DOT1L: variants seen among roughly 807,000 people sequenced by gnomAD.
DOT1L encodes the protein DOT1 like histone lysine methyltransferase, also known as histone-lysine N-methyltransferase, H3 lysine-79 specific.
A neutral mutation model predicts 153.3 loss-of-function variants in DOT1L; 33 were observed. The observed-to-expected ratio is 0.22, with a 90% CI of 0.16 to 0.29. The LOEUF is 0.29. Among genes scored for constraint, DOT1L ranks in the 10% least tolerant of loss-of-function variants. DOT1L has a pLI of 1.00. For synonymous variants in DOT1L, 1,135 were observed against 965.1 expected, an observed-to-expected ratio of 1.18 and a Z score of -3.26; for missense variants, 1,847 against 2,119.9, an observed-to-expected ratio of 0.87 and a Z score of 2.53.
rs375677700 is a variant in DOT1L at position 2,231,811 on chromosome 19, C to T, written c.*2019C>T. ...CTCCCTCTAGGTGACAGTGGCAGTC[C>T]GGGTGCCATCACGGGTCCTGCAGAT... is the stretch of plus-strand genomic sequence containing the variant. On this transcript the variant is annotated 3_prime_UTR_variant, in exon 28 of 28. Transcript: ENST00000398665. 6.9e-5 allele frequency: 15 copies of T among 217,888 alleles called. No individual in the cohort carries two copies. The highest frequency in any genetic ancestry group is 1.3e-4 in the Non-Finnish European group (14 of 108,458). The allele number at this position is 217,888 out of a possible 1,614,324, so 13.5% of individuals were successfully genotyped here.
At chr19:2,202,482 G>T (rs1387044319) in intron 8 of DOT1L, among the ~76,000 whole-genome samples, 2 of 152,176 alleles carry the variant, frequency 1.3e-5, no homozygotes, top group Non-Finnish European at 2.9e-5. Context: ...CACGAATCCT[G>T]CCCCCTCTGT....
Position 2,226,288 on chromosome 19 carries a change from C to T in DOT1L, c.3767C>T (p.Ser1256Leu), listed in dbSNP as rs949080855. ...SPISDIGLAK[S>L]ADSPLQASSA... ...ATCTCCGACATCGGCCTGGCCAAGT[C>T]GGCGGACAGCCCGCTGCAGGCCAGC... Residue 1256 changes from serine (S) to leucine (L), a missense_variant, in exon 27 of 28, where the codon TCG becomes TTG. Around this residue, in one of 8 missense-constraint regions of DOT1L, gnomAD observed 934 missense variants for 825.3 expected, o/e 1.13. Coordinates refer to ENST00000398665, the MANE Select transcript of DOT1L (RefSeq NM_032482.3). The T allele has an allele frequency of 1.3e-5, 20 of 1,598,080 alleles. No homozygotes were observed. Among genetic ancestry groups the T allele is most frequent in the Middle Eastern group, 1.7e-4 (1 of 6,022 alleles).
Position 2,211,088 on chromosome 19 carries a change from C to T in DOT1L, c.1352-11C>T, listed in dbSNP as rs368792589. ...CCGCCCTGTGCTGACGCCTGCCCTC[C>T]GCTCTCCCAGATGCCTACAGATCCC... On this transcript the variant is annotated splice_polypyrimidine_tract_variant and intron_variant, in intron 14 of 27. Transcript: ENST00000398665. 198 of 1,610,044 alleles carry T rather than the reference C, an allele frequency of 1.2e-4. No individual in the cohort carries two copies. The highest frequency in any genetic ancestry group is 3.2e-4 in the South Asian group (29 of 90,868).
At chr19:2,189,949 G>A (rs1183159933) in intron 4 of DOT1L, among the ~76,000 whole-genome samples, 154 bp downstream of exon 4, 2 of 152,188 alleles carry the variant, frequency 1.3e-5, no homozygotes, top group African/African-American at 2.4e-5. Context: ...CTGTGGGTGA[G>A]TGGTGTGGGG....
rs1599561379 is a variant in DOT1L at position 2,191,376 on chromosome 19, C to T, written c.493+136C>T. 5.6e-6 allele frequency: 5 copies of T among 887,218 alleles called. No individual in the cohort carries two copies. In the East Asian group the frequency reaches 7.7e-5, roughly 14 times the overall value. The allele number at this position is 887,218 out of a possible 1,614,324, so 55.0% of individuals were successfully genotyped here. Reference sequence around the variant, plus strand: ...GGACAGTGCTTCCTTCTCCCAGCGCCTCTGTCCCGCTGTGGGGCCGTTCCT... The same window carrying T: ...GGACAGTGCTTCCTTCTCCCAGCGCTTCTGTCCCGCTGTGGGGCCGTTCCT... On this transcript the variant is annotated intron_variant, in intron 5 of 27. Transcript: ENST00000398665. This position sits in a 1 kb window ranked among gnomAD's most constrained non-coding sequence, Gnocchi z 6.8.
intron 16 of DOT1L, chr19:2,213,323 C>A (rs2023779019): frequency 4.0e-6 from 2 of 505,858 alleles, no homozygotes; most frequent in Non-Finnish European, 7.1e-6. Flanking sequence ...GTCCCTCCAG[C>A]TGGCGAGAGT....
chr19:2,207,989 G>T lies in DOT1L; in HGVS notation c.963+309G>T, dbSNP rs1180563479. On this transcript the variant is annotated intron_variant, in intron 11 of 27. Coordinates refer to ENST00000398665, the MANE Select transcript of DOT1L (RefSeq NM_032482.3). This position sits in a 1 kb window ranked among gnomAD's most constrained non-coding sequence, Gnocchi z 4.5. ...AGTGATGTGTGACCATAAGGGTCCC[G>T]GCCGCCATATCCAGAGGCCCCTGTG... Among the ~76,000 whole-genome samples the T allele has an allele frequency of 6.6e-6, 1 of 152,072 alleles. No homozygotes were observed. Among genetic ancestry groups the T allele is most frequent in the Non-Finnish European group, 1.5e-5 (1 of 67,988 alleles).
chr19:2,174,958 A>ATGTGTGTGTGTGTG lies in DOT1L; in HGVS notation c.82-5731_82-5718dup, dbSNP rs71337121. On this transcript the variant is annotated intron_variant, in intron 1 of 27. Transcript: ENST00000398665. ...GATCTCTTTTTAAGTTTTTAAATATATGTGTGTGTGTGTGTGTGTGTGTGT... is the reference window on the plus strand; with the variant it reads ...GATCTCTTTTTAAGTTTTTAAATATATGTGTGTGTGTGTGTGTGTGTGTGTGTGTGTGTGTGTGT... Among the ~76,000 whole-genome samples the ATGTGTGTGTGTGTG allele has an allele frequency of 2.1e-3, 272 of 130,020 alleles. 1 individual carries two copies. The highest frequency in any genetic ancestry group is 2.7e-3 in the Non-Finnish European group (169 of 62,744). 85.3% of individuals were successfully genotyped at this position (130,020 alleles called of 152,430 possible).
chr19:2,202,176 C>G (rs1214967865), intron 8 of DOT1L, among the ~76,000 whole-genome samples: 1 of 152,256 alleles, frequency 6.6e-6, no homozygotes, highest in Non-Finnish European at 1.5e-5. Context: ...CCTGGGAAAG[C>G]AGTGCTGGGC....
At chr19:2,198,402 G>A (rs931823428) in intron 7 of DOT1L, among the ~76,000 whole-genome samples, 2 of 152,178 alleles carry the variant, frequency 1.3e-5, no homozygotes, top group Non-Finnish European at 2.9e-5. Flanking sequence ...CTTGGAGAGC[G>A]GAGGATGTGC....
In DOT1L at chr19:2,226,180, C is replaced by A; in HGVS notation, c.3662-3C>A. On this transcript the variant is annotated splice_region_variant and splice_polypyrimidine_tract_variant and intron_variant, in intron 26 of 27. Transcript: ENST00000398665. ...CACGGCTTCTGCCTTTCCTCTTTGC[C>A]AGGTGGTGGCTTGGCGGGAAGGAAG... 1 of 1,514,216 alleles carries A rather than the reference C, an allele frequency of 6.6e-7. No individual in the cohort carries two copies. The allele number at this position is 1,514,216 out of a possible 1,614,324, so 93.8% of individuals were successfully genotyped here.
intron 27 of DOT1L, chr19:2,228,682 G>GGTGCC: frequency 1.0e-6 from 1 of 985,406 alleles, no homozygotes; most frequent in Middle Eastern, 5.2e-4. Flanking sequence ...AGGCTCACGG[G>GGTGCC]GTGCCAGGCC....
At chr19:2,172,393 G>A (rs1001281749) in intron 1 of DOT1L, among the ~76,000 whole-genome samples, 1 of 151,582 alleles carries the variant, frequency 6.6e-6, no homozygotes, top group African/African-American at 2.4e-5. Context: ...GTTTCACCAT[G>A]TTAGCCAGGA....
Position 2,217,160 on chromosome 19 carries a change from C to A in DOT1L, c.2544+70C>A. On this transcript the variant is annotated intron_variant, in intron 21 of 27. Transcript: ENST00000398665. The surrounding 1 kb of genome is among the most constrained non-coding windows in gnomAD (Gnocchi z 7.3). Reference sequence around the variant, plus strand: ...AGAGGCGGCCTGAGCGAGTTGCTAGCAGGAGGGCTTGTCCTAGTTGACCTT... The same window carrying A: ...AGAGGCGGCCTGAGCGAGTTGCTAGAAGGAGGGCTTGTCCTAGTTGACCTT... The A allele has an allele frequency of 1.3e-6, 2 of 1,486,846 alleles. No homozygotes were observed. The highest frequency in any genetic ancestry group is 8.9e-7 in the Non-Finnish European group (1 of 1,121,196). 92.1% of individuals were successfully genotyped at this position (1,486,846 alleles called of 1,614,324 possible).
At chr19:2,198,109 C>T (rs1370426854) in intron 7 of DOT1L, among the ~76,000 whole-genome samples, 2 of 152,208 alleles carry the variant, frequency 1.3e-5, no homozygotes, top group East Asian at 3.8e-4. Context: ...CAGCTTCGGC[C>T]CCAGAGCCCA....
rs967518754 is a variant in DOT1L at position 2,227,348 on chromosome 19, C to T, written c.4606+221C>T. On this transcript the variant is annotated intron_variant, in intron 27 of 27. Transcript: ENST00000398665. ...TTGGGTTCTCTGGTTGTAACCGCGT[C>T]CCTCTTGTTTTCAGAAGGCCACCGT... The T allele has an allele frequency of 1.1e-5, 8 of 739,352 alleles. No individual in the cohort carries two copies. The African/African-American group carries it at 1.2e-4, about 11-fold the overall frequency. 45.8% of individuals were successfully genotyped at this position (739,352 alleles called of 1,614,324 possible). A position where few individuals can be genotyped will look rare whatever the true frequency, so the allele number is the denominator to read the frequency against.
At chr19:2,206,626 G>A (rs996448837) in intron 9 of DOT1L, 103 bp from the exon 10 acceptor site, 18 of 1,121,206 alleles carry the variant, frequency 1.6e-5, no homozygotes, top group Admixed American at 1.5e-4. Flanking sequence ...GGAGCCCAGT[G>A]TGTGTGTGTT....
At position 2,226,953 on chromosome 19, in the gene DOT1L, C is replaced by A. The variant is rs200107890; in HGVS notation, c.4432C>A (p.Pro1478Thr). The A allele has an allele frequency of 1.1e-5, 17 of 1,589,736 alleles. No individual in the cohort carries two copies. Among genetic ancestry groups the A allele is most frequent in the Non-Finnish European group, 1.4e-5 (16 of 1,175,940 alleles). Residue 1478 changes from proline to threonine, a missense_variant, in exon 27 of 28, where the codon CCC (proline) becomes ACC (threonine). Around this residue, in one of 8 missense-constraint regions of DOT1L, gnomAD observed 934 missense variants for 825.3 expected, o/e 1.13. Transcript: ENST00000398665. ...GCCGGGACCGCAGTTCGCGCTCGGC[C>A]CCATGTCCCTGCAGGCCAACCTCGG... is the stretch of plus-strand genomic sequence containing the variant. ...FPPGPQFALG[P>T]MSLQANLGSV...
chr19:2,229,445 G>C, intron 27 of DOT1L: 3 of 985,474 alleles, frequency 3.0e-6, no homozygotes, highest in Non-Finnish European at 3.6e-6. Flanking sequence ...TGGTCAGCCT[G>C]GCGGGTCAAT....
Sources: allele counts gnomAD v4.1 joint callset (sites outside exome capture counted in the v4.1 genomes callset), GRCh38; gene constraint gnomAD v4.1.1; regional missense constraint gnomAD v4.1.1; non-coding constraint Gnocchi (gnomAD v3.1); transcripts MANE v1.5; gene names NCBI Gene and HGNC (gene_info 2026-07-23, HGNC 2026-07-21).